Variants in LEMD3 observed in about 807,000 individuals in gnomAD.
LEMD3 encodes the protein LEM domain containing 3, also known as inner nuclear membrane protein Man1.
A neutral mutation model predicts 95.2 loss-of-function variants in LEMD3; 33 were observed. The ratio of observed to expected loss-of-function variants is 0.35; its 90% CI spans 0.26 to 0.46. The LOEUF (loss-of-function observed/expected upper bound fraction) is 0.46. Ranked by LOEUF, LEMD3 falls within the 20% of genes least tolerant of loss-of-function variation. The pLI, the probability that LEMD3 is intolerant of heterozygous loss-of-function variation, is 1.00. For missense variants in LEMD3, 1,210 were observed against 1,192.8 expected, an observed-to-expected ratio of 1.01 and a Z score of -0.21; for synonymous variants, 525 against 474.6, an observed-to-expected ratio of 1.11 and a Z score of -1.38.
chr12:65,238,568 G>C lies in LEMD3; in HGVS notation c.1762G>C (p.Asp588His), dbSNP rs773280693. 1 of 1,612,254 alleles carries C rather than the reference G, an allele frequency of 6.2e-7. No homozygotes were observed. Residue 588 changes from aspartate (D) to histidine (H), a missense_variant, in exon 5 of 13, where the codon GAT becomes CAT. Coordinates refer to ENST00000308330, the MANE Select transcript of LEMD3 (RefSeq NM_014319.5). ...SLQWILENGKDVGIRCVGFGP... is the reference protein window; with the variant it reads ...SLQWILENGKHVGIRCVGFGP... Reference sequence around the variant, plus strand: ...GCAGTGGATCTTAGAAAATGGAAAAGATGTTGGAATAAGGTAAAGGATCTG... The same window carrying C: ...GCAGTGGATCTTAGAAAATGGAAAACATGTTGGAATAAGGTAAAGGATCTG...
chr12:65,224,873 T>C (rs1870401853), intron 4 of LEMD3, among the ~76,000 whole-genome samples: 1 of 152,126 alleles, frequency 6.6e-6, no homozygotes, highest in Non-Finnish European at 1.5e-5. Flanking sequence ...ATATTACTTA[T>C]ATTGGTTGGC....
intron 2 of LEMD3, 49 bp from the exon 3 acceptor site, chr12:65,215,927 GT>G (rs34604927): frequency 1.0e-5 from 7 of 689,304 alleles, no homozygotes; most frequent in South Asian, 6.3e-5. Flanking sequence ...ATTATTTGGT[GT>G]TTTTTTTCTT....
intron 3 of LEMD3, among the ~76,000 whole-genome samples, chr12:65,217,533 G>A (rs987535598): frequency 6.6e-6 from 1 of 152,118 alleles, no homozygotes; most frequent in Non-Finnish European, 1.5e-5. Context: ...CATTTGGCAA[G>A]GATTTTACTT....
intron 1 of LEMD3, among the ~76,000 whole-genome samples, chr12:65,176,235 A>G (rs1868715423): frequency 6.6e-6 from 1 of 152,180 alleles, no homozygotes; most frequent in African/African-American, 2.4e-5. Flanking sequence ...GCCAAAATCT[A>G]AACTCGTTGG....
intron 1 of LEMD3, among the ~76,000 whole-genome samples, chr12:65,207,632 A>G (rs1246707099): frequency 6.6e-6 from 1 of 152,164 alleles, no homozygotes; most frequent in Non-Finnish European, 1.5e-5. Context: ...TTCCATGTAT[A>G]CAGAACAAAA....
At chr12:65,240,836 C>T in intron 8 of LEMD3, 73 bp from the exon 9 acceptor site, 3 of 1,316,408 alleles carry the variant, frequency 2.3e-6, no homozygotes, top group Non-Finnish European at 3.3e-6. Flanking sequence ...TTAACTATTA[C>T]CTCAGATACT....
At chr12:65,218,845 A>G (rs1870193487) in intron 4 of LEMD3, among the ~76,000 whole-genome samples, 2 of 146,134 alleles carry the variant, frequency 1.4e-5, no homozygotes, top group African/African-American at 2.6e-5. Flanking sequence ...GCTGGAGTGC[A>G]ATGGCTGATC....
chr12:65,204,742 A>G (rs1390201713), intron 1 of LEMD3, among the ~76,000 whole-genome samples: 3 of 152,158 alleles, frequency 2.0e-5, no homozygotes, highest in South Asian at 2.1e-4. Context: ...ACTCCCACCA[A>G]TAGTGTAAAA....
At chr12:65,186,982 T>C (rs1869087165) in intron 1 of LEMD3, among the ~76,000 whole-genome samples, 2 of 152,108 alleles carry the variant, frequency 1.3e-5, no homozygotes, top group Admixed American at 6.6e-5. Flanking sequence ...CAAGGACTTT[T>C]ACATATGTTC....
intron 1 of LEMD3, among the ~76,000 whole-genome samples, chr12:65,210,217 C>G (rs1413954687): frequency 6.6e-6 from 1 of 151,914 alleles, no homozygotes; most frequent in Non-Finnish European, 1.5e-5. Flanking sequence ...TTGCTTAATA[C>G]TGAGACTTAA....
intron 1 of LEMD3, among the ~76,000 whole-genome samples, chr12:65,191,408 T>C (rs1329331019): frequency 1.3e-5 from 2 of 152,096 alleles, no homozygotes; most frequent in South Asian, 2.1e-4. Context: ...ACAGGACATA[T>C]CAGATTTGTA....
At chr12:65,197,294 T>C (rs914589081) in intron 1 of LEMD3, among the ~76,000 whole-genome samples, 1 of 152,124 alleles carries the variant, frequency 6.6e-6, no homozygotes, top group Non-Finnish European at 1.5e-5. Context: ...AGAATGGTTG[T>C]GGGAAATTGT....
intron 1 of LEMD3, among the ~76,000 whole-genome samples, chr12:65,204,865 T>G (rs113380550): frequency 1.3e-5 from 2 of 152,310 alleles, no homozygotes; most frequent in Non-Finnish European, 2.9e-5. Flanking sequence ...AAACTGAGGG[T>G]ACAATTATAA....
At chr12:65,186,582 G>A (rs1167447655) in intron 1 of LEMD3, among the ~76,000 whole-genome samples, 1 of 148,088 alleles carries the variant, frequency 6.8e-6, no homozygotes, top group African/African-American at 2.5e-5. Flanking sequence ...CAGTCCAAAT[G>A]CATTTAAAAA....
chr12:65,196,608 A>G (rs1235826980), intron 1 of LEMD3, among the ~76,000 whole-genome samples: 1 of 152,050 alleles, frequency 6.6e-6, no homozygotes, highest in African/African-American at 2.4e-5. Flanking sequence ...TACCTTATAT[A>G]AGACTATATT....
intron 1 of LEMD3, among the ~76,000 whole-genome samples, chr12:65,207,073 T>G (rs1869785109): frequency 6.6e-6 from 1 of 152,140 alleles, no homozygotes; most frequent in South Asian, 2.1e-4. Context: ...AAAATAGGGC[T>G]AATACCACTC....
chr12:65,240,796 C>T, intron 8 of LEMD3, 113 bp from the exon 9 acceptor site: 1 of 930,308 alleles, frequency 1.1e-6, no homozygotes, highest in Non-Finnish European at 1.7e-6. Flanking sequence ...TTTGAACAAA[C>T]TCCATGAGTA....
chr12:65,221,085 C>T (rs1445393949), intron 4 of LEMD3, among the ~76,000 whole-genome samples: 1 of 151,624 alleles, frequency 6.6e-6, no homozygotes, highest in African/African-American at 2.4e-5. Flanking sequence ...TGCTGTATTG[C>T]CTTCGGTGGT....
chr12:65,241,175 GATGT>G, intron 9 of LEMD3, 88 bp downstream of exon 9: 1 of 1,152,716 alleles, frequency 8.7e-7, no homozygotes, highest in East Asian at 2.5e-5. Context: ...ACAATTCAAA[GATGT>G]ATGAAGGCAA....
Sources: gnomAD v4.1 joint callset for allele counts (sites outside exome capture counted in the v4.1 genomes callset) on GRCh38, gnomAD v4.1.1 for gene constraint, MANE v1.5 for transcripts, NCBI Gene and HGNC (gene_info 2026-07-23, HGNC 2026-07-21) for gene names.